ABTB3: variants seen among roughly 807,000 people sequenced by gnomAD.
ABTB3 encodes ankyrin repeat and BTB domain containing 3.
the ABTB3 span, among the ~76,000 whole-genome samples, chr12:107,374,263 C>T: frequency 1.3e-5 from 2 of 152,180 alleles, no homozygotes; most frequent in African/African-American, 4.8e-5. Context: ...CTTCCTACAT[C>T]TTACAGCCCC....
the ABTB3 span, among the ~76,000 whole-genome samples, chr12:107,522,597 T>C: frequency 6.6e-6 from 1 of 151,042 alleles, no homozygotes; most frequent in South Asian, 2.1e-4. Context: ...CCCTACTATA[T>C]AGAATATAGT....
chr12:107,440,362 T>C, the ABTB3 span, among the ~76,000 whole-genome samples: 2 of 152,238 alleles, frequency 1.3e-5, no homozygotes, highest in South Asian at 4.1e-4. Flanking sequence ...CATCTGCCCG[T>C]GCTTCTGCTT....
chr12:107,408,173 C>T, the ABTB3 span, among the ~76,000 whole-genome samples: 12 of 151,916 alleles, frequency 7.9e-5, no homozygotes, highest in Admixed American at 1.3e-4. Flanking sequence ...TCTGTGTGGC[C>T]GAGATTTTCT....
At chr12:107,482,141 G>A in the ABTB3 span, among the ~76,000 whole-genome samples, 1 of 152,094 alleles carries the variant, frequency 6.6e-6, no homozygotes, top group Non-Finnish European at 1.5e-5. Context: ...GAAGAAGGGG[G>A]AGTAGACACT....
chr12:107,531,070 C>T, the ABTB3 span, among the ~76,000 whole-genome samples: 2 of 152,184 alleles, frequency 1.3e-5, no homozygotes, highest in African/African-American at 4.8e-5. Context: ...AACCCTGTAA[C>T]CTTGGGCCTG....
chr12:107,369,492 C>T, the ABTB3 span, among the ~76,000 whole-genome samples: 5 of 150,804 alleles, frequency 3.3e-5, no homozygotes, highest in South Asian at 4.2e-4. Context: ...CTGCCTTCCA[C>T]GTTCAAGCAA....
chr12:107,522,878 G>A, the ABTB3 span, among the ~76,000 whole-genome samples: 5 of 152,146 alleles, frequency 3.3e-5, no homozygotes, highest in African/African-American at 1.2e-4. Context: ...GGATAATCAA[G>A]GTTGGGGTGT....
At chr12:107,373,847 A>G in the ABTB3 span, among the ~76,000 whole-genome samples, 1 of 152,164 alleles carries the variant, frequency 6.6e-6, no homozygotes, top group Non-Finnish European at 1.5e-5. Context: ...GGTGCCTTCC[A>G]TTCATGCTCA....
At chr12:107,355,737 C>A in the ABTB3 span, among the ~76,000 whole-genome samples, 70 of 152,270 alleles carry the variant, frequency 4.6e-4, no homozygotes, top group Non-Finnish European at 1.6e-4. Context: ...GTGGTTAAAT[C>A]ATTTGTTTAG....
chr12:107,590,083 T>C, the ABTB3 span, among the ~76,000 whole-genome samples: 3 of 152,154 alleles, frequency 2.0e-5, no homozygotes, highest in African/African-American at 4.8e-5. Flanking sequence ...TTAATTCTTG[T>C]ATTTTTTTTT....
At chr12:107,649,202 C>T in the ABTB3 span, 3 of 1,611,142 alleles carry the variant, frequency 1.9e-6, no homozygotes, top group East Asian at 2.2e-5. Flanking sequence ...GTGTTTTCTT[C>T]CAGCTGGTTA....
At chr12:107,623,912 G>C in the ABTB3 span, among the ~76,000 whole-genome samples, 2 of 151,978 alleles carry the variant, frequency 1.3e-5, no homozygotes, top group Admixed American at 1.3e-4. Flanking sequence ...TAACTTAGAC[G>C]AAACGGTCAG....
the ABTB3 span, among the ~76,000 whole-genome samples, chr12:107,535,580 C>T: frequency 6.6e-6 from 1 of 152,090 alleles, no homozygotes; most frequent in Non-Finnish European, 1.5e-5. Flanking sequence ...TTGCAGCATA[C>T]CAAATCAACA....
the ABTB3 span, among the ~76,000 whole-genome samples, chr12:107,588,295 C>T: frequency 2.0e-5 from 3 of 152,198 alleles, no homozygotes; most frequent in African/African-American, 4.8e-5. Flanking sequence ...CACATGTCAA[C>T]CCTTAACACT....
At chr12:107,545,577 A>G in the ABTB3 span, among the ~76,000 whole-genome samples, 3 of 152,076 alleles carry the variant, frequency 2.0e-5, no homozygotes, top group Non-Finnish European at 4.4e-5. Flanking sequence ...CCAACTCAAC[A>G]TCAATATTTC....
At chr12:107,372,583 C>T in the ABTB3 span, among the ~76,000 whole-genome samples, 1 of 152,114 alleles carries the variant, frequency 6.6e-6, no homozygotes, top group Admixed American at 6.5e-5. Flanking sequence ...CCCTGACCTC[C>T]TCTACAACCA....
the ABTB3 span, among the ~76,000 whole-genome samples, chr12:107,470,010 T>TTCTTTCTTTCTTTCTTTC: frequency 1.8e-5 from 1 of 57,124 alleles, no homozygotes; most frequent in Admixed American, 1.9e-4. Flanking sequence ...CTTTCTTTCT[T>TTCTTTCTTTCTTTCTTTC]TCTCTCTCTC....
chr12:107,631,185 C>T, the ABTB3 span, among the ~76,000 whole-genome samples: 1 of 152,168 alleles, frequency 6.6e-6, no homozygotes, highest in Non-Finnish European at 1.5e-5. Flanking sequence ...CCCACTTACA[C>T]GTGAGAACAT....
At chr12:107,539,879 G>A in the ABTB3 span, among the ~76,000 whole-genome samples, 1 of 152,196 alleles carries the variant, frequency 6.6e-6, no homozygotes, top group Non-Finnish European at 1.5e-5. Context: ...TTAACTTTCA[G>A]CAGTAGTTCC....
Sources: gnomAD v4.1 joint callset for allele counts (sites outside exome capture counted in the v4.1 genomes callset) on GRCh38, gnomAD v4.1.1 for gene constraint, MANE v1.5 for transcripts, NCBI Gene and HGNC (gene_info 2026-07-23, HGNC 2026-07-21) for gene names.